The following SWT1 variants were observed in gnomAD, a reference collection of about 807,000 sequenced individuals.
SWT1 encodes SWT1 RNA endoribonuclease homolog.
In SWT1, 33 loss-of-function variants were observed where a neutral mutation model predicts 107.3. That is an observed-to-expected ratio of 0.31 (90% CI 0.23 to 0.41). The LOEUF (loss-of-function observed/expected upper bound fraction) is 0.41. Ranked by LOEUF, SWT1 falls within the 10% of genes least tolerant of loss-of-function variation. The probability of loss-of-function intolerance (pLI) is 1.00; values close to 1 mark genes in which losing one functional copy is unlikely to be tolerated. For missense variants in SWT1, 898 were observed against 1,028.9 expected, an observed-to-expected ratio of 0.87 and a Z score of 1.74; for synonymous variants, 345 against 348.3, an observed-to-expected ratio of 0.99 and a Z score of 0.11.
chr1:185,240,066 G>A (rs946449862), intron 16 of SWT1, among the ~76,000 whole-genome samples: 1 of 152,006 alleles, frequency 6.6e-6, no homozygotes, highest in Non-Finnish European at 1.5e-5. Context: ...AATATTCAAA[G>A]CAACAATACA....
chr1:185,158,516 T>C (rs1653848159), intron 1 of SWT1, among the ~76,000 whole-genome samples: 1 of 152,004 alleles, frequency 6.6e-6, no homozygotes, highest in African/African-American at 2.4e-5. Context: ...TTTCTTTTTT[T>C]TTTTTTTACT....
chr1:185,291,235 A>G lies in SWT1; in HGVS notation c.*432A>G, dbSNP rs982203259. On this transcript the variant is annotated 3_prime_UTR_variant, in exon 19 of 19. Transcript: ENST00000367500. Reference sequence around the variant, plus strand: ...TCATTAGGGCATGATCATGCTCACCATATTTCACAAATGAAATCTTAATGT... The same window carrying G: ...TCATTAGGGCATGATCATGCTCACCGTATTTCACAAATGAAATCTTAATGT... The G allele has an allele frequency of 1.3e-5, 2 of 152,734 alleles. No homozygotes were observed. Among genetic ancestry groups the G allele is most frequent in the African/African-American group, 4.8e-5 (2 of 41,476 alleles). The allele number at this position is 152,734 out of a possible 1,614,324, so 9.5% of individuals were successfully genotyped here.
chr1:185,204,890 A>G, intron 12 of SWT1, 27 bp downstream of exon 12: 2 of 1,443,052 alleles, frequency 1.4e-6, no homozygotes, highest in Non-Finnish European at 9.2e-7. Flanking sequence ...TATTAGTTGA[A>G]AATTTCTTTT....
chr1:185,202,617 A>G (rs1168317290), intron 10 of SWT1, 37 bp from the exon 11 acceptor site: 2 of 1,584,738 alleles, frequency 1.3e-6, no homozygotes, highest in African/African-American at 2.7e-5. Context: ...CTTATAAAAA[A>G]TATTTTTTCC....
rs189203461 is a variant in SWT1 at position 185,253,682 on chromosome 1, G to A, written c.2442-17641G>A. Reference sequence around the variant, plus strand: ...TATCCGCTTAAGGAGATTTTCGGCTGAGACGATGGGGTTTTCTAGATATAC... The same window carrying A: ...TATCCGCTTAAGGAGATTTTCGGCTAAGACGATGGGGTTTTCTAGATATAC... On this transcript the variant is annotated intron_variant, in intron 16 of 18. Coordinates refer to ENST00000367500, the MANE Select transcript of SWT1 (RefSeq NM_017673.7). Among the ~76,000 whole-genome samples, 18 of 152,226 alleles carry A rather than the reference G, an allele frequency of 1.2e-4. No individual in the cohort carries two copies. In the East Asian group the frequency reaches 3.5e-3, roughly 29 times the overall value.
At chr1:185,265,376 T>C (rs1325035424) in intron 16 of SWT1, among the ~76,000 whole-genome samples, 3 of 152,234 alleles carry the variant, frequency 2.0e-5, no homozygotes, top group Non-Finnish European at 4.4e-5. Flanking sequence ...CGTATAATTT[T>C]AGTTTTACTT....
chr1:185,202,277 A>G (rs138838055), intron 10 of SWT1, among the ~76,000 whole-genome samples: 70 of 152,212 alleles, frequency 4.6e-4, no homozygotes, highest in Admixed American at 2.2e-3. Flanking sequence ...TCTCATACAT[A>G]GCTCTCTGTT....
intron 16 of SWT1, among the ~76,000 whole-genome samples, chr1:185,260,072 T>C (rs1662914654): frequency 6.6e-6 from 1 of 152,116 alleles, no homozygotes; most frequent in South Asian, 2.1e-4. Flanking sequence ...ATTTTTAAGC[T>C]TAGGATGGGA....
chr1:185,264,337 C>T, intron 16 of SWT1: 9 of 984,946 alleles, frequency 9.1e-6, no homozygotes, highest in Non-Finnish European at 1.1e-5. Flanking sequence ...AAGACCATTA[C>T]CGTTCATATG....
At chr1:185,274,589 T>C (rs1229590775) in intron 17 of SWT1, among the ~76,000 whole-genome samples, 2 of 152,166 alleles carry the variant, frequency 1.3e-5, no homozygotes, top group Non-Finnish European at 2.9e-5. Context: ...TTTGACTATT[T>C]TTATACTTCT....
chr1:185,241,402 C>G (rs986113362), intron 16 of SWT1, among the ~76,000 whole-genome samples: 1 of 152,078 alleles, frequency 6.6e-6, no homozygotes, highest in Non-Finnish European at 1.5e-5. Context: ...TTCACAGCTC[C>G]TCAGATATCA....
intron 16 of SWT1, among the ~76,000 whole-genome samples, chr1:185,254,672 T>C (rs1662336717): frequency 6.6e-6 from 1 of 152,042 alleles, no homozygotes; most frequent in Non-Finnish European, 1.5e-5. Context: ...TTCTTTCTTT[T>C]TTTCTTTATT....
intron 16 of SWT1, among the ~76,000 whole-genome samples, chr1:185,258,852 C>T (rs545662579): frequency 6.6e-6 from 1 of 152,188 alleles, no homozygotes; most frequent in African/African-American, 2.4e-5. Context: ...GACATATCTT[C>T]AGTTCTGGAA....
At chr1:185,244,037 C>T (rs1452131858) in intron 16 of SWT1, among the ~76,000 whole-genome samples, 1 of 151,890 alleles carries the variant, frequency 6.6e-6, no homozygotes, top group African/African-American at 2.4e-5. Flanking sequence ...ACCCATGCTG[C>T]CTATATTCTA....
At chr1:185,260,670 G>A (rs1253494667) in intron 16 of SWT1, among the ~76,000 whole-genome samples, 1 of 152,094 alleles carries the variant, frequency 6.6e-6, no homozygotes, top group African/African-American at 2.4e-5. Context: ...GTAAAAGAAT[G>A]TAATTGTAGC....
intron 16 of SWT1, among the ~76,000 whole-genome samples, chr1:185,242,790 A>G (rs776139727): frequency 1.3e-5 from 2 of 152,156 alleles, no homozygotes; most frequent in Non-Finnish European, 2.9e-5. Flanking sequence ...ATTCTACCTA[A>G]TGATTTATTG....
chr1:185,189,292 T>C (rs1656745328), intron 9 of SWT1, among the ~76,000 whole-genome samples: 1 of 152,138 alleles, frequency 6.6e-6, no homozygotes, highest in Non-Finnish European at 1.5e-5. Flanking sequence ...CCTGCATTAA[T>C]TTTATAAAAA....
At chr1:185,226,988 C>A (rs551483607) in intron 15 of SWT1, 9 of 870,682 alleles carry the variant, frequency 1.0e-5, no homozygotes, top group Admixed American at 8.9e-5. Context: ...TACACATCTC[C>A]TCCATCATGT....
intron 13 of SWT1, among the ~76,000 whole-genome samples, chr1:185,208,575 A>C (rs1442642709): frequency 6.6e-6 from 1 of 152,180 alleles, no homozygotes; most frequent in African/African-American, 2.4e-5. Context: ...TAATTGTTAC[A>C]CAATTTATAC....
Sources: allele counts gnomAD v4.1 joint callset (sites outside exome capture counted in the v4.1 genomes callset), GRCh38; gene constraint gnomAD v4.1.1; transcripts MANE v1.5; gene names NCBI Gene and HGNC (gene_info 2026-07-23, HGNC 2026-07-21).